The following SUGCT variants were observed in gnomAD, a reference collection of about 807,000 sequenced individuals.
SUGCT encodes the protein succinyl-CoA:glutarate CoA-transferase.
In SUGCT, 41 loss-of-function variants were observed where a neutral mutation model predicts 55.0. That is an observed-to-expected ratio of 0.74 (90% confidence interval 0.58 to 0.97). SUGCT has a LOEUF of 0.97. Ranked by LOEUF, SUGCT falls within the 50% of genes least tolerant of loss-of-function variation. The pLI is 0.00. For synonymous variants in SUGCT, 187 were observed against 200.4 expected, an observed-to-expected ratio of 0.93 and a Z score of 0.56; for missense variants, 568 against 547.8, an observed-to-expected ratio of 1.04 and a Z score of -0.37.
At chr7:40,708,740 A>T (rs982396243) in intron 12 of SUGCT, among the ~76,000 whole-genome samples, 1 of 152,092 alleles carries the variant, frequency 6.6e-6, no homozygotes, top group Admixed American at 6.5e-5. Context: ...TCCTTACTGC[A>T]GTCACTGCTT....
the SUGCT span, among the ~76,000 whole-genome samples, chr7:41,009,758 A>G: frequency 1.3e-5 from 2 of 152,102 alleles, no homozygotes; most frequent in African/African-American, 4.8e-5. Context: ...TGTCCCTTAA[A>G]AGCTATAGTA....
At chr7:40,864,456 C>A (rs1272864443), downstream of SUGCT, among the ~76,000 whole-genome samples, 1 of 152,068 alleles carries the variant, frequency 6.6e-6, no homozygotes, top group Admixed American at 6.5e-5. Context: ...CCGGAATGAC[C>A]CTGAACTTTT....
chr7:40,204,662 T>G (rs1264917413), intron 6 of SUGCT, among the ~76,000 whole-genome samples: 2 of 151,174 alleles, frequency 1.3e-5, no homozygotes, highest in South Asian at 4.3e-4. Context: ...CATTAACTCA[T>G]GCCTGTAATA....
At chr7:40,682,036 G>A (rs1784270536) in intron 12 of SUGCT, among the ~76,000 whole-genome samples, 1 of 152,128 alleles carries the variant, frequency 6.6e-6, no homozygotes. Flanking sequence ...TAACTTCCTT[G>A]GCTGTTGTTT....
intron 9 of SUGCT, among the ~76,000 whole-genome samples, chr7:40,342,585 A>G (rs1329128416): frequency 6.6e-6 from 1 of 152,090 alleles, no homozygotes; most frequent in Non-Finnish European, 1.5e-5. Context: ...TTTCCAGCAT[A>G]TTAGAAGTTA....
At chr7:40,757,987 A>C (rs1433439891) in intron 13 of SUGCT, among the ~76,000 whole-genome samples, 1 of 152,208 alleles carries the variant, frequency 6.6e-6, no homozygotes, top group Non-Finnish European at 1.5e-5. Flanking sequence ...AACTGATTAG[A>C]GAAGTAAAAA....
chr7:40,673,622 T>C (rs1802049744), intron 12 of SUGCT, among the ~76,000 whole-genome samples: 1 of 152,230 alleles, frequency 6.6e-6, no homozygotes, highest in Admixed American at 6.5e-5. Context: ...AAGAGTATTA[T>C]ATAACCATCC....
At chr7:40,525,639 G>C (rs1010054756) in intron 12 of SUGCT, among the ~76,000 whole-genome samples, 2 of 152,060 alleles carry the variant, frequency 1.3e-5, no homozygotes, top group Non-Finnish European at 1.5e-5. Flanking sequence ...ATGAGAGAGA[G>C]AGAAAATATG....
chr7:40,179,706 C>T (rs1785091714), intron 1 of SUGCT, among the ~76,000 whole-genome samples: 1 of 152,236 alleles, frequency 6.6e-6, no homozygotes, highest in South Asian at 2.1e-4. Flanking sequence ...TCAGCCGGGA[C>T]TGCTGCAATG....
chr7:40,311,624 C>T (rs17171677), intron 8 of SUGCT, among the ~76,000 whole-genome samples: 11,554 of 152,196 alleles, frequency 0.076, 944 homozygotes, highest in African/African-American at 0.2. Flanking sequence ...TTTGAGCTTT[C>T]GCACATGTTA....
intron 8 of SUGCT, among the ~76,000 whole-genome samples, chr7:40,302,158 T>A (rs1352991044): frequency 6.6e-6 from 1 of 152,220 alleles, no homozygotes; most frequent in Non-Finnish European, 1.5e-5. Flanking sequence ...TGCATTAGAC[T>A]GTACACTCCC....
intron 13 of SUGCT, among the ~76,000 whole-genome samples, chr7:40,841,127 C>T (rs1393659428): frequency 6.6e-6 from 1 of 151,806 alleles, no homozygotes; most frequent in African/African-American, 2.4e-5. Context: ...CATGTGGGAA[C>T]CTTCTCATGA....
chr7:40,991,377 C>T, the SUGCT span, among the ~76,000 whole-genome samples: 1 of 152,074 alleles, frequency 6.6e-6, no homozygotes, highest in Non-Finnish European at 1.5e-5. Flanking sequence ...TCACAGATCA[C>T]CATAAAAGAT....
At chr7:40,983,660 T>C in the SUGCT span, among the ~76,000 whole-genome samples, 2 of 152,190 alleles carry the variant, frequency 1.3e-5, no homozygotes, top group Admixed American at 1.3e-4. Context: ...TGCTTCATTT[T>C]TGTGAATTAA....
At chr7:40,866,172 A>C in the SUGCT span, among the ~76,000 whole-genome samples, 2 of 152,170 alleles carry the variant, frequency 1.3e-5, no homozygotes, top group Admixed American at 1.3e-4. Context: ...AATTAATGTC[A>C]AACTGTCACA....
chr7:40,702,387 C>A (rs566068821), intron 12 of SUGCT, among the ~76,000 whole-genome samples: 1 of 152,192 alleles, frequency 6.6e-6, no homozygotes, highest in Admixed American at 6.5e-5. Context: ...GTGAAAAATA[C>A]ACATTTTCAT....
At chr7:40,472,894 C>G (rs531285335) in intron 11 of SUGCT, among the ~76,000 whole-genome samples, 1 of 152,084 alleles carries the variant, frequency 6.6e-6, no homozygotes, top group Non-Finnish European at 1.5e-5. Context: ...TATTTTCTAG[C>G]TTTATGTTAC....
chr7:40,858,735 A>C (rs1794331575), intron 13 of SUGCT, among the ~76,000 whole-genome samples: 1 of 152,202 alleles, frequency 6.6e-6, no homozygotes, highest in Non-Finnish European at 1.5e-5. Flanking sequence ...CTGAAAAGGG[A>C]CAAACCCTTG....
rs1180388154 is a variant in SUGCT, at chr7:40,180,937, G to T, written c.101-10G>T. 1.3e-6 allele frequency: 2 copies of T among 1,596,034 alleles called. No individual in the cohort carries two copies. The highest frequency in any genetic ancestry group is 2.7e-5 in the African/African-American group (2 of 74,506). Reference sequence around the variant, plus strand: ...TGAATTATCTTGAAATGTTTTCTCTGTTTTGCCAGATATGAACAATATAAA... The same window carrying T: ...TGAATTATCTTGAAATGTTTTCTCTTTTTTGCCAGATATGAACAATATAAA... On this transcript the variant is annotated splice_polypyrimidine_tract_variant and intron_variant, in intron 1 of 13. Coordinates refer to ENST00000335693, the MANE Select transcript of SUGCT (RefSeq NM_001193313.2).
Sources: gnomAD v4.1 joint callset for allele counts (sites outside exome capture counted in the v4.1 genomes callset) on GRCh38, gnomAD v4.1.1 for gene constraint, MANE v1.5 for transcripts, NCBI Gene and HGNC (gene_info 2026-07-23, HGNC 2026-07-21) for gene names.